Variants in CHRM5 observed in about 807,000 individuals in gnomAD.
CHRM5 encodes cholinergic receptor muscarinic 5.
Under a neutral mutation model 39.0 loss-of-function variants are expected in CHRM5, and 18 were observed. That is an observed-to-expected ratio of 0.46 (90% CI 0.32 to 0.68). The LOEUF (loss-of-function observed/expected upper bound fraction) is 0.68. Among genes scored for constraint, CHRM5 ranks in the 30% least tolerant of loss-of-function variants. The pLI, the probability that CHRM5 is intolerant of heterozygous loss-of-function variation, is 0.04. For missense variants in CHRM5, 515 were observed against 651.1 expected (o/e 0.79, Z 2.28); for synonymous variants, 241 against 246.3 (o/e 0.98, Z 0.20).
At chr15:34,016,138 T>C (rs1225700470) in intron 1 of CHRM5, among the ~76,000 whole-genome samples, 1 of 152,164 alleles carries the variant, frequency 6.6e-6, no homozygotes, top group Non-Finnish European at 1.5e-5. Context: ...TAGCTGGGCA[T>C]GGTGGTGCAC....
intron 1 of CHRM5, among the ~76,000 whole-genome samples, chr15:34,010,585 C>T (rs904241090): frequency 8.7e-5 from 2 of 23,104 alleles, no homozygotes; most frequent in Non-Finnish European, 6.8e-3. Context: ...AAAACATTCA[C>T]ACCATTTTTC....
chr15:34,009,444 T>C lies in CHRM5; in HGVS notation c.-407-37096T>C, dbSNP rs1008759692. On this transcript the variant is annotated intron_variant, in intron 1 of 2. Transcript: ENST00000383263. Reference sequence around the variant, plus strand: ...TTCTATAAAACAATATGTGTATAATTGTATTGCTGGGCCTATAACATAGAT... The same window carrying C: ...TTCTATAAAACAATATGTGTATAATCGTATTGCTGGGCCTATAACATAGAT... Among the ~76,000 whole-genome samples the C allele has an allele frequency of 2.0e-5, 3 of 152,336 alleles. No homozygotes were observed. In the South Asian group the frequency reaches 6.2e-4, roughly 32 times the overall value.
intron 1 of CHRM5, among the ~76,000 whole-genome samples, chr15:34,008,112 G>GA (rs780982534): frequency 1.3e-5 from 2 of 152,102 alleles, no homozygotes; most frequent in South Asian, 4.2e-4. Flanking sequence ...TATCACAGGA[G>GA]AAAAAAATAG....
At chr15:34,009,806 T>C (rs1567464701) in intron 1 of CHRM5, among the ~76,000 whole-genome samples, 2 of 151,900 alleles carry the variant, frequency 1.3e-5, no homozygotes, top group African/African-American at 4.8e-5. Context: ...CTGAGCAACA[T>C]AGAGAGCATT....
In CHRM5 at chr15:34,056,585, C is replaced by A. The variant is rs544570079; in HGVS notation, c.-75-6058C>A. 3.9e-5 allele frequency among the ~76,000 whole-genome samples: 6 copies of A among 152,326 alleles called. No homozygotes were observed. In the South Asian group the frequency reaches 1.2e-3, roughly 32 times the overall value. ...TTTCTCAATTTATCAGATCATGAAACCTTTTCAATCATGCATTTGAAGTAG... is the reference window on the plus strand; with the variant it reads ...TTTCTCAATTTATCAGATCATGAAAACTTTTCAATCATGCATTTGAAGTAG... On this transcript the variant is annotated intron_variant, in intron 2 of 2. Coordinates refer to ENST00000383263, the MANE Select transcript of CHRM5 (RefSeq NM_012125.4).
intron 1 of CHRM5, among the ~76,000 whole-genome samples, chr15:33,998,533 C>T (rs1441175093): frequency 1.3e-5 from 2 of 152,164 alleles, no homozygotes; most frequent in Admixed American, 1.3e-4. Context: ...ATTCTCCTTT[C>T]CTTTATAACA....
chr15:33,996,561 C>G (rs547654697), intron 1 of CHRM5, among the ~76,000 whole-genome samples: 1 of 152,356 alleles, frequency 6.6e-6, no homozygotes, highest in East Asian at 1.9e-4. Context: ...CCCAGGCAAA[C>G]AGGGCCTGGA....
intron 1 of CHRM5, among the ~76,000 whole-genome samples, chr15:33,998,069 G>C (rs1321931640): frequency 6.6e-6 from 1 of 151,922 alleles, no homozygotes; most frequent in African/African-American, 2.4e-5. Context: ...GGTTTTCTTA[G>C]ACCACTTCCT....
chr15:34,007,060 A>G, intron 1 of CHRM5: 1 of 984,606 alleles, frequency 1.0e-6, no homozygotes, highest in East Asian at 1.1e-4. Context: ...GACATCGGTC[A>G]CTGGTTGCAT....
intron 1 of CHRM5, among the ~76,000 whole-genome samples, chr15:34,026,231 G>C (rs1481854147): frequency 6.6e-6 from 1 of 151,782 alleles, no homozygotes; most frequent in Non-Finnish European, 1.5e-5. Flanking sequence ...AGTTTTATGA[G>C]AAAAGAATAT....
chr15:34,011,205 T>C (rs1897623635), intron 1 of CHRM5, among the ~76,000 whole-genome samples: 1 of 151,852 alleles, frequency 6.6e-6, no homozygotes, highest in Non-Finnish European at 1.5e-5. Flanking sequence ...AAAAACTTTG[T>C]TTACTAGGCC....
intron 1 of CHRM5, among the ~76,000 whole-genome samples, chr15:34,023,234 C>A (rs1898290466): frequency 6.6e-6 from 1 of 152,060 alleles, no homozygotes; most frequent in Non-Finnish European, 1.5e-5. Context: ...ATCCCCCACT[C>A]AGGTTGCTAC....
chr15:34,004,996 A>T (rs2140636129), intron 1 of CHRM5, among the ~76,000 whole-genome samples: 2 of 152,292 alleles, frequency 1.3e-5, no homozygotes, highest in African/African-American at 4.8e-5. Context: ...GCTTTTATTA[A>T]CACAGAAGCA....
In CHRM5 at chr15:34,033,631, T is replaced by G. The variant is rs575098074; in HGVS notation, c.-407-12909T>G. Reference sequence around the variant, plus strand: ...TATATAACATTTTTTAAGTCAACATTTATTACAGGAAGACATGAAATGGTA... The same window carrying G: ...TATATAACATTTTTTAAGTCAACATGTATTACAGGAAGACATGAAATGGTA... On this transcript the variant is annotated intron_variant, in intron 1 of 2. Coordinates refer to ENST00000383263, the MANE Select transcript of CHRM5 (RefSeq NM_012125.4). Among the ~76,000 whole-genome samples the G allele has an allele frequency of 5.3e-5, 8 of 152,258 alleles. No individual in the cohort carries two copies. In the East Asian group the frequency reaches 1.5e-3, roughly 29 times the overall value.
chr15:34,022,488 T>G (rs1898245681), intron 1 of CHRM5, among the ~76,000 whole-genome samples: 1 of 152,156 alleles, frequency 6.6e-6, no homozygotes, highest in Admixed American at 6.5e-5. Flanking sequence ...AGGTGGATTT[T>G]CTCAAAGCTC....
At chr15:34,056,667 G>T (rs1475487515) in intron 2 of CHRM5, among the ~76,000 whole-genome samples, 3 of 152,132 alleles carry the variant, frequency 2.0e-5, no homozygotes. Context: ...TCTCCTCAAG[G>T]TTGTTCTGCT....
chr15:34,049,348 A>C (rs556492155), intron 2 of CHRM5, among the ~76,000 whole-genome samples: 1 of 152,366 alleles, frequency 6.6e-6, no homozygotes, highest in East Asian at 1.9e-4. Flanking sequence ...TAGCCAGTTT[A>C]GAGAGGAACA....
chr15:34,037,414 T>A (rs1223798979), intron 1 of CHRM5, among the ~76,000 whole-genome samples: 1 of 151,730 alleles, frequency 6.6e-6, no homozygotes, highest in African/African-American at 2.4e-5. Flanking sequence ...TGCCACTAGC[T>A]GTGAAAGCTT....
At chr15:34,037,961 A>G (rs2702275) in intron 1 of CHRM5, among the ~76,000 whole-genome samples, 151,106 of 152,284 alleles carry the variant, frequency 0.99, 74,980 homozygotes, top group Middle Eastern at 1. Flanking sequence ...TAACAGAACA[A>G]CTCATAAAAA....
Sources: gnomAD v4.1 joint callset for allele counts (sites outside exome capture counted in the v4.1 genomes callset) on GRCh38, gnomAD v4.1.1 for gene constraint, MANE v1.5 for transcripts, NCBI Gene and HGNC (gene_info 2026-07-23, HGNC 2026-07-21) for gene names.